ARHGEF15: variants seen among roughly 807,000 people sequenced by gnomAD.
ARHGEF15 encodes Rho guanine nucleotide exchange factor 15.
In ARHGEF15, 58 loss-of-function variants were observed where a neutral mutation model predicts 79.7. The ratio of observed to expected loss-of-function variants is 0.73; its 90% confidence interval spans 0.59 to 0.91. The LOEUF (loss-of-function observed/expected upper bound fraction) is 0.91, where lower values mean the gene tolerates loss of function less well. ARHGEF15 is among the 40% of genes least tolerant of loss of function. ARHGEF15 has a pLI of 0.00. For missense variants in ARHGEF15, 1,012 were observed against 1,108.1 expected (o/e 0.91, Z 1.23); for synonymous variants, 442 against 456.0 (o/e 0.97, Z 0.39).
Position 8,315,676 on chromosome 17 carries a change from G to C in ARHGEF15, c.1422-79G>C. 6.3e-7 allele frequency: 1 copy of C among 1,589,838 alleles called. No homozygotes were observed. Among genetic ancestry groups the C allele is most frequent in the African/African-American group, 1.3e-5 (1 of 74,512 alleles). ...GTCCTTCCTTCTACGGACCCAGTTA[G>C]TTCCCAAACCTTCTCTCAAGAACCC... On this transcript the variant is annotated intron_variant, in intron 7 of 15. Transcript: ENST00000361926. The surrounding 1 kb of genome is among the most constrained non-coding windows in gnomAD (Gnocchi z 4.3).
In ARHGEF15 at chr17:8,312,001, C is replaced by T; in HGVS notation, c.-39C>T. ...CTCCCTCCTCCTCAGGGGATGACTC[C>T]AGCAGAGCACCTCACTCCTTTGAAG... On this transcript the variant is annotated 5_prime_UTR_variant, in exon 2 of 16. Transcript: ENST00000361926. 1 of 1,526,052 alleles carries T rather than the reference C, an allele frequency of 6.6e-7. No individual in the cohort carries two copies. 94.5% of individuals were successfully genotyped at this position (1,526,052 alleles called of 1,614,324 possible).
In ARHGEF15 at chr17:8,315,183, C is replaced by G; in HGVS notation, c.1166C>G (p.Pro389Arg). ...AGDAPTFPRP[P>R]GPRNTLWQEL... ...GATGCACCCACCTTCCCACGACCCC[C>G]TGGACCTCGCAACACCCTGTGGCAG... The change falls in exon 6 of 16, where the codon CCT becomes CGT. Residue 389 changes from proline (P) to arginine (R), a missense_variant. Pro to Arg is a moderately radical substitution (Grantham distance 103, BLOSUM62 -2). Around this residue, in one of 3 missense-constraint regions of ARHGEF15, gnomAD observed 818 missense variants for 882.5 expected, o/e 0.93. Coordinates refer to ENST00000361926, the MANE Select transcript of ARHGEF15 (RefSeq NM_173728.4). The surrounding 1 kb of genome is among the most constrained non-coding windows in gnomAD (Gnocchi z 4.3). The G allele has an allele frequency of 6.2e-7, 1 of 1,614,052 alleles. No individual in the cohort carries two copies. Among genetic ancestry groups the G allele is most frequent in the Non-Finnish European group, 8.5e-7 (1 of 1,180,000 alleles).
At chr17:8,317,650 T>C (rs979102346) in intron 9 of ARHGEF15, among the ~76,000 whole-genome samples, 6 of 152,146 alleles carry the variant, frequency 3.9e-5, no homozygotes, top group Non-Finnish European at 8.8e-5. Flanking sequence ...AAGGCACAGG[T>C]CACATAACTT....
At position 8,319,567 on chromosome 17, in the gene ARHGEF15, A is replaced by T; in HGVS notation, c.2338A>T (p.Arg780Trp). Residue 780 changes from arginine (R) to tryptophan (W), a missense_variant, in exon 15 of 16, where the codon AGG (arginine) becomes TGG (tryptophan). Arg to Trp is a moderately radical substitution (Grantham distance 101). Transcript: ENST00000361926. ...AKTEGRSLESRAAPKHLHKTP... is the reference protein window; with the variant it reads ...AKTEGRSLESWAAPKHLHKTP... ...GACTGAAGGACGGAGTCTGGAGTCCAGGGCTGCCCCCAAACACCTGCACAA... is the reference window on the plus strand; with the variant it reads ...GACTGAAGGACGGAGTCTGGAGTCCTGGGCTGCCCCCAAACACCTGCACAA... 1 of 1,607,982 alleles carries T rather than the reference A, an allele frequency of 6.2e-7. No individual in the cohort carries two copies.
In ARHGEF15 at chr17:8,315,047, T is replaced by C; in HGVS notation, c.1049-19T>C. 6.2e-7 allele frequency: 1 copy of C among 1,613,304 alleles called. No homozygotes were observed. Among genetic ancestry groups the C allele is most frequent in the Non-Finnish European group, 8.5e-7 (1 of 1,179,556 alleles). On this transcript the variant is annotated intron_variant, in intron 5 of 15. Coordinates refer to ENST00000361926, the MANE Select transcript of ARHGEF15 (RefSeq NM_173728.4). The surrounding 1 kb of genome is among the most constrained non-coding windows in gnomAD (Gnocchi z 4.3). The stretch of plus-strand genomic sequence containing the variant: ...TTGGGAGCCCTGGGCTTCCCTGAAG[T>C]GCTATGTTTGCCCTCTAGAACCTCT...
Position 8,318,537 on chromosome 17 carries a change from C to T in ARHGEF15, c.1780-33C>T, listed in dbSNP as rs199836493. ...AAATGGTAGGGAGCAGGGGGCTGGCCGCTGGGGTGGTGACACAGCTCCCCT... is the reference window on the plus strand; with the variant it reads ...AAATGGTAGGGAGCAGGGGGCTGGCTGCTGGGGTGGTGACACAGCTCCCCT... On this transcript the variant is annotated intron_variant, in intron 10 of 15. Coordinates refer to ENST00000361926, the MANE Select transcript of ARHGEF15 (RefSeq NM_173728.4). This position sits in a 1 kb window ranked among gnomAD's most constrained non-coding sequence, Gnocchi z 5.0. The T allele has an allele frequency of 2.0e-5, 33 of 1,612,218 alleles. No individual in the cohort carries two copies. The highest frequency in any genetic ancestry group is 2.0e-4 in the Admixed American group (12 of 59,906).
rs774391825 is a variant in ARHGEF15, at chr17:8,318,420, C to T, written c.1738C>T (p.Arg580Cys). 1.9e-5 allele frequency: 31 copies of T among 1,613,984 alleles called. No individual in the cohort carries two copies. The Middle Eastern group carries it at 3.1e-3, about 164-fold the overall frequency. The change falls in exon 10 of 16, where the codon CGT becomes TGT. Residue 580 changes from arginine (R) to cysteine (C), a missense_variant. Around this residue, in one of 3 missense-constraint regions of ARHGEF15, gnomAD observed 818 missense variants for 882.5 expected, o/e 0.93. Transcript: ENST00000361926. The surrounding 1 kb of genome is among the most constrained non-coding windows in gnomAD (Gnocchi z 5.0). The part of the protein sequence containing the change: ...ILRQTEEGSS[R>C]QENAQKALGA... ...GCGCCAGACAGAAGAGGGGTCCAGCCGTCAGGAGAATGCCCAGAAGGCCCT... is the reference window on the plus strand; with the variant it reads ...GCGCCAGACAGAAGAGGGGTCCAGCTGTCAGGAGAATGCCCAGAAGGCCCT...
Position 8,315,126 on chromosome 17 carries a change from AG to A in ARHGEF15, c.1111del (p.Asp371MetfsTer56). On this transcript the variant is annotated frameshift_variant, in exon 6 of 16. Coordinates refer to ENST00000361926, the MANE Select transcript of ARHGEF15 (RefSeq NM_173728.4). LOFTEE classifies it high-confidence loss of function. The surrounding 1 kb of genome is among the most constrained non-coding windows in gnomAD (Gnocchi z 4.3). ...TCAGAGGAGCTGTGGGGGGTGGGTG[AG>A]GATGGGAGTCCTTCTCCAGCAAATG... is the stretch of plus-strand genomic sequence containing the variant. ...VLSEELWGVG[E>X]DGSPSPANAG... 6.2e-7 allele frequency: 1 copy of A among 1,614,052 alleles called. No homozygotes were observed. The highest frequency in any genetic ancestry group is 1.1e-5 in the South Asian group (1 of 91,066).
Position 8,312,965 on chromosome 17 carries a change from C to T in ARHGEF15, c.645C>T (p.His215=), listed in dbSNP as rs202151511. Reference sequence around the variant, plus strand: ...CTCCCTGCTGCCCCTGTGTCTGCCACACCACCCGGCCTGGCCTGGAGCTCA... The same window carrying T: ...CTCCCTGCTGCCCCTGTGTCTGCCATACCACCCGGCCTGGCCTGGAGCTCA... ...ACPPCCPCVC[H]TTRPGLELRW... The change falls in exon 3 of 16, where the codon CAC becomes CAT. Residue 215 remains histidine (H), a synonymous_variant. Coordinates refer to ENST00000361926, the MANE Select transcript of ARHGEF15 (RefSeq NM_173728.4). The T allele has an allele frequency of 5.5e-5, 87 of 1,594,788 alleles. No individual in the cohort carries two copies. In the African/African-American group the frequency reaches 9.1e-4, roughly 17 times the overall value.
Position 8,312,174 on chromosome 17 carries a change from A to T in ARHGEF15, c.135A>T (p.Glu45Asp). The T allele has an allele frequency of 6.2e-7, 1 of 1,604,350 alleles. No individual in the cohort carries two copies. The highest frequency in any genetic ancestry group is 1.4e-5 in the African/African-American group (1 of 73,750). ...CCCACAATGGCTCCTCTCCACAAGA[A>T]CTACCCCGAAACTCCAATGATGCAC... ...GPPHNGSSPQ[E>D]LPRNSNDAPT... The change falls in exon 2 of 16, where the codon GAA becomes GAT. Residue 45 changes from glutamate (E) to aspartate (D), a missense_variant. Glu to Asp is a conservative substitution (Grantham distance 45). Around this residue, in one of 3 missense-constraint regions of ARHGEF15, gnomAD observed 818 missense variants for 882.5 expected, o/e 0.93. Transcript: ENST00000361926.
Position 8,315,679 on chromosome 17 carries a change from C to T in ARHGEF15, c.1422-76C>T, listed in dbSNP as rs1904974376. ...CTTCCTTCTACGGACCCAGTTAGTT[C>T]CCAAACCTTCTCTCAAGAACCCGGG... On this transcript the variant is annotated intron_variant, in intron 7 of 15. Coordinates refer to ENST00000361926, the MANE Select transcript of ARHGEF15 (RefSeq NM_173728.4). The surrounding 1 kb of genome is among the most constrained non-coding windows in gnomAD (Gnocchi z 4.3). 35 of 1,589,682 alleles carry T rather than the reference C, an allele frequency of 2.2e-5. No individual in the cohort carries two copies. The South Asian group carries it at 3.7e-4, about 17-fold the overall frequency.
At chr17:8,314,716 C>T (rs1233824144) in intron 4 of ARHGEF15, among the ~76,000 whole-genome samples, 190 bp from the exon 5 acceptor site, 10 of 115,464 alleles carry the variant, frequency 8.7e-5, no homozygotes, top group African/African-American at 1.3e-4. Context: ...GCCTGGGCAA[C>T]ATAACGAGAC....
In ARHGEF15 at chr17:8,312,406, C is replaced by T. The variant is rs752615298; in HGVS notation, c.367C>T (p.Pro123Ser). The T allele has an allele frequency of 1.9e-6, 3 of 1,613,032 alleles. No homozygotes were observed. The highest frequency in any genetic ancestry group is 3.3e-4 in the Middle Eastern group (2 of 6,050). Residue 123 changes from proline to serine, a missense_variant, in exon 2 of 16, where the codon CCG (proline) becomes TCG (serine). Physicochemically the swap from Pro to Ser is moderately conservative, Grantham distance 74. Around this residue, in one of 3 missense-constraint regions of ARHGEF15, gnomAD observed 818 missense variants for 882.5 expected, o/e 0.93. Transcript: ENST00000361926. The stretch of plus-strand genomic sequence containing the variant: ...CCGGTCTCCAGTCCCCCCACCCAAG[C>T]CGTCTGGGTCACCCTGCACGCCTCT... ...APRSPVPPPK[P>S]SGSPCTPLLP...
chr17:8,315,449 C>G lies in ARHGEF15; in HGVS notation c.1296C>G (p.Tyr432Ter). The G allele has an allele frequency of 6.2e-7, 1 of 1,613,934 alleles. No homozygotes were observed. The highest frequency in any genetic ancestry group is 8.5e-7 in the Non-Finnish European group (1 of 1,180,020). The stretch of plus-strand genomic sequence containing the variant: ...AGGTGGTGACGTCCGAGGCTTCCTA[C>G]CTGCGCTCCCTGCGGCTGCTGACCG... ...LFEVVTSEAS[Y>*]LRSLRLLTDT... is the part of the protein sequence containing the mutation. The change falls in exon 7 of 16, where the codon TAC (tyrosine) becomes TAG (stop). Residue 432 changes from tyrosine to a stop codon, truncating the protein, a stop_gained. Coordinates refer to ENST00000361926, the MANE Select transcript of ARHGEF15 (RefSeq NM_173728.4). LOFTEE classifies it high-confidence loss of function. This position sits in a 1 kb window ranked among gnomAD's most constrained non-coding sequence, Gnocchi z 4.3.
Position 8,312,589 on chromosome 17 carries a change from G to A in ARHGEF15, c.550G>A (p.Glu184Lys). Residue 184 changes from glutamate to lysine, a missense_variant, in exon 2 of 16, where the codon GAG (glutamate) becomes AAG (lysine). By Grantham distance (56) the Glu-to-Lys change is moderately conservative. This residue lies in a region of ARHGEF15 where 818 missense variants were observed against 882.5 expected (regional missense o/e 0.93). Transcript: ENST00000361926. ...CCAAGCGAGAGCAGATGTGAATGGG[G>A]AGAGAGAAGCTCCCCTCACCGGGAG... ...GLQARADVNGEREAPLTGSGS... is the reference protein window; with the variant it reads ...GLQARADVNGKREAPLTGSGS... 1.2e-6 allele frequency: 2 copies of A among 1,612,470 alleles called. No individual in the cohort carries two copies. The highest frequency in any genetic ancestry group is 1.1e-5 in the South Asian group (1 of 90,958).
chr17:8,322,286 A>G lies in ARHGEF15; in HGVS notation c.*1293A>G, dbSNP rs1905433447. On this transcript the variant is annotated 3_prime_UTR_variant, in exon 16 of 16. Transcript: ENST00000361926. The stretch of plus-strand genomic sequence containing the variant: ...GAGGGACAGAGACAGCAAGGCAGAC[A>G]GTGGCTGGCAGGGGGGCCCAGGCCC... The G allele has an allele frequency of 6.6e-6, 1 of 152,302 alleles. No individual in the cohort carries two copies. Among genetic ancestry groups the G allele is most frequent in the Admixed American group, 6.5e-5 (1 of 15,278 alleles). 9.4% of individuals were successfully genotyped at this position (152,302 alleles called of 1,614,324 possible).
rs1179033262 is a variant in ARHGEF15 at position 8,312,624 on chromosome 17, G to A, written c.585G>A (p.Gln195=). Residue 195 remains glutamine (Q), a synonymous_variant, in exon 2 of 16, where the codon CAG becomes CAA. Transcript: ENST00000361926. ...REAPLTGSGS[Q]ENGAPDAGLA... The stretch of plus-strand genomic sequence containing the variant: ...CTCCCCTCACCGGGAGTGGGTCCCA[G>A]GAGAACGGTGCTCCAGGTGAGTGTG... 6.2e-7 allele frequency: 1 copy of A among 1,613,380 alleles called. No individual in the cohort carries two copies. Among genetic ancestry groups the A allele is most frequent in the Non-Finnish European group, 8.5e-7 (1 of 1,179,968 alleles).
Position 8,315,408 on chromosome 17 carries a change from T to G in ARHGEF15, c.1261-6T>G. On this transcript the variant is annotated splice_polypyrimidine_tract_variant and splice_region_variant and intron_variant, in intron 6 of 15. Transcript: ENST00000361926. The surrounding 1 kb of genome is among the most constrained non-coding windows in gnomAD (Gnocchi z 4.3). ...GCTTCCCACGACTGCCTGCTTTTCT[T>G]TCTAGAGTCTTTTCGAGGTGGTGAC... 1 of 1,613,898 alleles carries G rather than the reference T, an allele frequency of 6.2e-7. No homozygotes were observed.
chr17:8,311,442 T>C (rs1904602819), intron 1 of ARHGEF15, among the ~76,000 whole-genome samples: 1 of 151,378 alleles, frequency 6.6e-6, no homozygotes, highest in South Asian at 2.1e-4. Context: ...GCTCCAAGAA[T>C]CTTGATGGCA....
Sources: allele counts gnomAD v4.1 joint callset (sites outside exome capture counted in the v4.1 genomes callset), GRCh38; gene constraint gnomAD v4.1.1; regional missense constraint gnomAD v4.1.1; non-coding constraint Gnocchi (gnomAD v3.1); transcripts MANE v1.5; gene names NCBI Gene and HGNC (gene_info 2026-07-23, HGNC 2026-07-21).